ITGA9: variants seen among roughly 807,000 people sequenced by gnomAD.
ITGA9 encodes integrin alpha-9.
In ITGA9, 56 loss-of-function variants were observed where a neutral mutation model predicts 127.8. The ratio of observed to expected loss-of-function variants is 0.44; its 90% confidence interval spans 0.35 to 0.55. ITGA9 has a LOEUF of 0.55. Ranked by LOEUF, ITGA9 falls within the 20% of genes least tolerant of loss-of-function variation. ITGA9 has a pLI of 0.00. For missense variants in ITGA9, 1,196 were observed against 1,347.1 expected, an observed-to-expected ratio of 0.89 and a Z score of 1.76; for synonymous variants, 508 against 514.5, an observed-to-expected ratio of 0.99 and a Z score of 0.17.
intron 23 of ITGA9, among the ~76,000 whole-genome samples, chr3:37,773,533 T>C (rs374038731): frequency 6.6e-6 from 1 of 152,046 alleles, no homozygotes; most frequent in South Asian, 2.1e-4. Flanking sequence ...TGCCTAAATA[T>C]AGGGCAAGCC....
At chr3:37,549,200 C>G (rs1699356318) in intron 15 of ITGA9, among the ~76,000 whole-genome samples, 1 of 152,282 alleles carries the variant, frequency 6.6e-6, no homozygotes, top group South Asian at 2.1e-4. Context: ...GAATGTTCAG[C>G]ATGGGAGCTG....
Position 37,473,376 on chromosome 3 carries a change from C to A in ITGA9, c.336C>A (p.Cys112Ter). The A allele has an allele frequency of 6.2e-7, 1 of 1,613,974 alleles. No homozygotes were observed. Among genetic ancestry groups the A allele is most frequent in the Non-Finnish European group, 8.5e-7 (1 of 1,179,942 alleles). The change falls in exon 3 of 28, where the codon TGC becomes TGA. Residue 112 changes from cysteine (C) to a stop codon, truncating the protein, a stop_gained. Transcript: ENST00000264741. LOFTEE classifies it high-confidence loss of function. ...MARGKNRGTS[C>*]GKTCREDRDD... Reference sequence around the variant, plus strand: ...CAGGGAAGAATCGGGGCACGTCCTGCGGAAAGACCTGCCGGGAAGACCGCG... The same window carrying A: ...CAGGGAAGAATCGGGGCACGTCCTGAGGAAAGACCTGCCGGGAAGACCGCG...
intron 27 of ITGA9, among the ~76,000 whole-genome samples, chr3:37,810,535 C>A (rs1697354566): frequency 6.6e-6 from 1 of 152,144 alleles, no homozygotes. Context: ...CCTGCCTCAG[C>A]CTCCTGTGTA....
At chr3:37,736,019 C>A (rs888446054) in intron 19 of ITGA9, among the ~76,000 whole-genome samples, 37 of 152,312 alleles carry the variant, frequency 2.4e-4, no homozygotes, top group African/African-American at 8.2e-4. Flanking sequence ...CTTCCTGGTT[C>A]ATAAACAGAA....
chr3:37,707,344 G>T (rs1701018289), intron 18 of ITGA9, among the ~76,000 whole-genome samples: 1 of 152,178 alleles, frequency 6.6e-6, no homozygotes, highest in Non-Finnish European at 1.5e-5. Flanking sequence ...CTCAGAAGTG[G>T]TTGCACCTTC....
chr3:37,589,852 T>C (rs533057025), intron 15 of ITGA9, among the ~76,000 whole-genome samples: 1 of 152,120 alleles, frequency 6.6e-6, no homozygotes, highest in Admixed American at 6.5e-5. Context: ...AGGACTTGGC[T>C]TTTACTCATT....
At chr3:37,601,977 C>T (rs1425058220) in intron 15 of ITGA9, among the ~76,000 whole-genome samples, 6 of 152,022 alleles carry the variant, frequency 3.9e-5, no homozygotes, top group African/African-American at 1.2e-4. Flanking sequence ...AGGAAGCAAG[C>T]GGGGAGTGGA....
chr3:37,571,283 C>T (rs989785658), intron 15 of ITGA9, among the ~76,000 whole-genome samples: 2 of 152,112 alleles, frequency 1.3e-5, no homozygotes, highest in African/African-American at 4.8e-5. Flanking sequence ...ATGGGAAGCT[C>T]GGAGTCTCAC....
chr3:37,783,454 G>GCCTCAGCTAGT (rs1386811124), intron 25 of ITGA9, among the ~76,000 whole-genome samples: 1 of 152,044 alleles, frequency 6.6e-6, no homozygotes, highest in Admixed American at 6.6e-5. Context: ...TGATCTTCCT[G>GCCTCAGCTAGT]CCTCAGCTAG....
At chr3:37,708,879 T>A (rs1369983719) in intron 18 of ITGA9, among the ~76,000 whole-genome samples, 1 of 152,228 alleles carries the variant, frequency 6.6e-6, no homozygotes, top group South Asian at 2.1e-4. Context: ...TTCAGCATGA[T>A]GGCGTTTAAG....
chr3:37,654,850 C>A lies in ITGA9; in HGVS notation c.1916+1060C>A, dbSNP rs193067839. Among the ~76,000 whole-genome samples, 138 of 152,222 alleles carry A rather than the reference C, an allele frequency of 9.1e-4. 2 individuals carry two copies. The East Asian group carries it at 0.023, about 25-fold the overall frequency. On this transcript the variant is annotated intron_variant, in intron 17 of 27. Coordinates refer to ENST00000264741, the MANE Select transcript of ITGA9 (RefSeq NM_002207.3). ...TAATGCTATCCCTCCCCTAACCCCCCACCCCTGACAGGCCCCGGTGTGTGA... is the reference window on the plus strand; with the variant it reads ...TAATGCTATCCCTCCCCTAACCCCCAACCCCTGACAGGCCCCGGTGTGTGA...
rs146330947 is a variant in ITGA9 at position 37,520,557 on chromosome 3, A to G, written c.1236+1203A>G. 3.8e-3 allele frequency among the ~76,000 whole-genome samples: 584 copies of G among 152,380 alleles called. 2 individuals carry two copies. Among genetic ancestry groups the G allele is most frequent in the African/African-American group, 0.013 (546 of 41,588 alleles). Reference sequence around the variant, plus strand: ...AAAAAGGAACGCTCGGAAACTCAGTAGGAAAACTTACGAATATGGAAACTA... The same window carrying G: ...AAAAAGGAACGCTCGGAAACTCAGTGGGAAAACTTACGAATATGGAAACTA... On this transcript the variant is annotated intron_variant, in intron 11 of 27. Transcript: ENST00000264741.
At chr3:37,556,251 A>T (rs1699429883) in intron 15 of ITGA9, among the ~76,000 whole-genome samples, 1 of 152,144 alleles carries the variant, frequency 6.6e-6, no homozygotes, top group Admixed American at 6.5e-5. Flanking sequence ...GGAGCAGAAT[A>T]CTGACTTCTT....
At chr3:37,539,549 G>A (rs1000223199) in intron 14 of ITGA9, among the ~76,000 whole-genome samples, 1 of 152,244 alleles carries the variant, frequency 6.6e-6, no homozygotes, top group Non-Finnish European at 1.5e-5. Context: ...TCTAAAAGCA[G>A]TTTATTTTTT....
chr3:37,616,066 A>G (rs960767161), intron 15 of ITGA9, among the ~76,000 whole-genome samples: 4 of 152,104 alleles, frequency 2.6e-5, no homozygotes, highest in Non-Finnish European at 4.4e-5. Context: ...TAGGTTGTCA[A>G]TTTTAGATCT....
chr3:37,617,043 G>C (rs1364923596), intron 15 of ITGA9, among the ~76,000 whole-genome samples: 1 of 152,248 alleles, frequency 6.6e-6, no homozygotes, highest in Non-Finnish European at 1.5e-5. Flanking sequence ...AGTTGATGCA[G>C]TTTCTTCCTA....
chr3:37,637,972 C>T (rs1700296947), intron 16 of ITGA9, among the ~76,000 whole-genome samples: 1 of 152,156 alleles, frequency 6.6e-6, no homozygotes, highest in African/African-American at 2.4e-5. Flanking sequence ...CGTGCCCGGC[C>T]AGCAATCCGT....
intron 17 of ITGA9, among the ~76,000 whole-genome samples, chr3:37,670,939 T>G (rs1050719375): frequency 6.6e-5 from 10 of 152,264 alleles, no homozygotes; most frequent in Non-Finnish European, 4.4e-5. Context: ...CTGGGCTTTC[T>G]TGAGCTGTCT....
chr3:37,691,700 G>C, intron 18 of ITGA9, among the ~76,000 whole-genome samples: 1 of 152,160 alleles, frequency 6.6e-6, no homozygotes, highest in East Asian at 1.9e-4. Flanking sequence ...GGTAGAACTA[G>C]TCTGTCTGCA....
Sources: allele counts gnomAD v4.1 joint callset (sites outside exome capture counted in the v4.1 genomes callset), GRCh38; gene constraint gnomAD v4.1.1; transcripts MANE v1.5; gene names NCBI Gene and HGNC (gene_info 2026-07-23, HGNC 2026-07-21).